The following PCNX2 variants were observed in gnomAD, a reference collection of about 807,000 sequenced individuals.
The protein encoded by PCNX2 is pecanex 2.
Under a neutral mutation model 223.8 loss-of-function variants are expected in PCNX2, and 168 were observed. The observed-to-expected ratio is 0.75, with a 90% CI of 0.66 to 0.85. The LOEUF (loss-of-function observed/expected upper bound fraction) is 0.85, where lower values mean the gene tolerates loss of function less well. PCNX2 is among the 40% of genes least tolerant of loss of function. PCNX2 has a pLI of 0.00. For missense variants in PCNX2, 2,507 were observed against 2,675.5 expected (o/e 0.94, Z 1.39); for synonymous variants, 1,006 against 1,052.6 (o/e 0.96, Z 0.86).
rs202038415 is a variant in PCNX2, at chr1:233,068,046, C to CA, written c.4077-10757dup. Among the ~76,000 whole-genome samples, 1,489 of 151,508 alleles carry CA rather than the reference C, an allele frequency of 9.8e-3. 14 individuals carry two copies. Among genetic ancestry groups the CA allele is most frequent in the Non-Finnish European group, 0.016 (1,109 of 67,852 alleles). ...TAGTCAAGCTTCTAAAATATAAACA[C>CA]AAAAAAAAGCTCTTGAAAGCAACAA... On this transcript the variant is annotated intron_variant, in intron 23 of 33. Coordinates refer to ENST00000258229, the MANE Select transcript of PCNX2 (RefSeq NM_014801.4).
intron 19 of PCNX2, among the ~76,000 whole-genome samples, chr1:233,144,966 GTTTCT>G (rs1677351175): frequency 3.2e-5 from 4 of 125,384 alleles, no homozygotes; most frequent in African/African-American, 8.4e-5. Flanking sequence ...TTTTTTTTTT[GTTTCT>G]TTTTTTTTTT....
intron 1 of PCNX2, among the ~76,000 whole-genome samples, chr1:233,267,752 T>C (rs1023256832): frequency 1.3e-5 from 2 of 152,222 alleles, no homozygotes; most frequent in African/African-American, 4.8e-5. Context: ...ACACATTTTG[T>C]TTATTCATTC....
chr1:233,084,753 G>C (rs1334861817), intron 23 of PCNX2, among the ~76,000 whole-genome samples: 10 of 152,182 alleles, frequency 6.6e-5, no homozygotes, highest in Non-Finnish European at 1.0e-4. Flanking sequence ...TATATACAAA[G>C]AGCAGGATGA....
chr1:233,250,948 G>T, intron 7 of PCNX2, 116 bp from the exon 8 acceptor site: 1 of 1,088,502 alleles, frequency 9.2e-7, no homozygotes, highest in Non-Finnish European at 1.3e-6. Flanking sequence ...TATAATAACT[G>T]TTGACAATCG....
At chr1:233,096,663 T>A (rs774945018) in intron 21 of PCNX2, among the ~76,000 whole-genome samples, 1 of 152,200 alleles carries the variant, frequency 6.6e-6, no homozygotes, top group Non-Finnish European at 1.5e-5. Context: ...AAACTTCAAA[T>A]AGCATGCCAT....
Position 232,994,412 on chromosome 1 carries a change from G to C in PCNX2, c.5791+3839C>G, listed in dbSNP as rs1443850005. On this transcript the variant is annotated intron_variant, in intron 32 of 33. Coordinates refer to ENST00000258229, the MANE Select transcript of PCNX2 (RefSeq NM_014801.4). ...GGCTAATTCCTTCCATTTGGAATGG[G>C]GACATTTACCCAATGCTTGTTCCCC... Among the ~76,000 whole-genome samples the C allele has an allele frequency of 2.0e-5, 3 of 152,238 alleles. 1 individual carries two copies. Among genetic ancestry groups the C allele is most frequent in the Admixed American group, 1.3e-4 (2 of 15,288 alleles).
At position 233,252,471 on chromosome 1, in the gene PCNX2, T is replaced by C; in HGVS notation, c.2011A>G (p.Ile671Val). ...TCTTGTTGGGAAGTTACCCTGTAGA[T>C]TATCTGTCTTTGTCTATTGCCCTGA... ...FFQGNRQRQI[I>V]YRVTSQQDSS... The change falls in exon 7 of 34, where the codon ATC becomes GTC. Residue 671 changes from isoleucine (I) to valine (V), a missense_variant. Ile to Val is a conservative substitution (Grantham distance 29). This residue lies in a region of PCNX2 where 1,031 missense variants were observed against 1,021.7 expected (regional missense o/e 1.01). Coordinates refer to ENST00000258229, the MANE Select transcript of PCNX2 (RefSeq NM_014801.4). The C allele has an allele frequency of 6.2e-7, 1 of 1,612,668 alleles. No individual in the cohort carries two copies. The highest frequency in any genetic ancestry group is 8.5e-7 in the Non-Finnish European group (1 of 1,178,994).
At chr1:233,315,329 T>C in the PCNX2 span, among the ~76,000 whole-genome samples, 5 of 152,264 alleles carry the variant, frequency 3.3e-5, no homozygotes, top group African/African-American at 7.2e-5. Context: ...TAAATTAACA[T>C]ACGCTTCATG....
chr1:232,994,225 A>T (rs1669799655), intron 32 of PCNX2, among the ~76,000 whole-genome samples: 1 of 152,242 alleles, frequency 6.6e-6, no homozygotes. Context: ...AGCTGCAGGG[A>T]CTGTACCCAT....
intron 21 of PCNX2, among the ~76,000 whole-genome samples, chr1:233,125,561 A>G (rs1676048337): frequency 6.6e-6 from 1 of 152,168 alleles, no homozygotes; most frequent in Non-Finnish European, 1.5e-5. Flanking sequence ...GGTTTGGTTG[A>G]AATTCCAGGG....
At chr1:233,279,383 TTGTGTTTGTGTG>T (rs1480015905) in intron 1 of PCNX2, among the ~76,000 whole-genome samples, 17 of 141,746 alleles carry the variant, frequency 1.2e-4, no homozygotes, top group African/African-American at 4.4e-4. Context: ...CACAGCTAAT[TTGTGTTTGTGTG>T]TGTGTGTGTG....
chr1:233,110,234 A>T (rs527711196), intron 21 of PCNX2, among the ~76,000 whole-genome samples: 1 of 152,366 alleles, frequency 6.6e-6, no homozygotes, highest in South Asian at 2.1e-4. Context: ...AACTGCTGAA[A>T]ACAAACGACA....
intron 26 of PCNX2, among the ~76,000 whole-genome samples, chr1:233,017,387 G>A (rs573803045): frequency 4.5e-4 from 65 of 144,670 alleles, no homozygotes; most frequent in Non-Finnish European, 7.9e-4. Flanking sequence ...GTGCGATCTC[G>A]GCTCACTGCA....
At chr1:233,118,059 T>G (rs1675530588) in intron 21 of PCNX2, among the ~76,000 whole-genome samples, 1 of 152,104 alleles carries the variant, frequency 6.6e-6, no homozygotes, top group African/African-American at 2.4e-5. Context: ...GGGTTTTGTT[T>G]CAGGGATGCA....
chr1:233,189,141 A>G (rs1680277174), intron 15 of PCNX2, among the ~76,000 whole-genome samples: 1 of 152,218 alleles, frequency 6.6e-6, no homozygotes, highest in Non-Finnish European at 1.5e-5. Context: ...AGGTACTACT[A>G]ATCCATTTTA....
chr1:233,119,403 CAAAAAA>C (rs71173251), intron 21 of PCNX2, among the ~76,000 whole-genome samples: 730 of 38,532 alleles, frequency 0.019, 2 homozygotes, highest in Non-Finnish European at 0.023. Context: ...ACTAAAAATA[CAAAAAA>C]AAAAAAAAAA....
chr1:233,186,136 A>G (rs537849186), intron 15 of PCNX2, among the ~76,000 whole-genome samples: 40 of 152,210 alleles, frequency 2.6e-4, no homozygotes, highest in Admixed American at 5.9e-4. Context: ...TATAAAGTGA[A>G]TATCAACAGG....
intron 9 of PCNX2, among the ~76,000 whole-genome samples, chr1:233,228,896 T>C (rs1164510839): frequency 6.6e-6 from 1 of 152,174 alleles, no homozygotes; most frequent in Non-Finnish European, 1.5e-5. Flanking sequence ...CCAACATGGA[T>C]TTAAGGTTAT....
intron 1 of PCNX2, among the ~76,000 whole-genome samples, chr1:233,275,553 T>G (rs1001178509): frequency 1.1e-4 from 17 of 152,206 alleles, no homozygotes; most frequent in Non-Finnish European, 2.1e-4. Flanking sequence ...GTAACACATG[T>G]TAAGTTGATA....
Sources: gnomAD v4.1 joint callset for allele counts (sites outside exome capture counted in the v4.1 genomes callset) on GRCh38, gnomAD v4.1.1 for gene constraint, gnomAD v4.1.1 regional missense constraint, MANE v1.5 for transcripts, NCBI Gene and HGNC (gene_info 2026-07-23, HGNC 2026-07-21) for gene names.